FAT1: variants seen among roughly 807,000 people sequenced by gnomAD.
FAT1 encodes the protein FAT atypical cadherin 1.
Under a neutral mutation model 329.8 loss-of-function variants are expected in FAT1, and 171 were observed. The observed-to-expected ratio is 0.52, with a 90% CI of 0.46 to 0.59. FAT1 has a LOEUF of 0.59. Ranked by LOEUF, FAT1 falls within the 20% of genes least tolerant of loss-of-function variation. FAT1 has a pLI of 0.00. For synonymous variants in FAT1, 2,233 were observed against 2,228.6 expected, an observed-to-expected ratio of 1.00 and a Z score of -0.06; for missense variants, 5,672 against 5,774.4, an observed-to-expected ratio of 0.98 and a Z score of 0.57.
chr4:186,640,541 C>T (rs1398594068), intron 3 of FAT1, among the ~76,000 whole-genome samples: 3 of 152,022 alleles, frequency 2.0e-5, no homozygotes, highest in Non-Finnish European at 4.4e-5. Context: ...AATTTATTAC[C>T]TTTGAATTAT....
intron 1 of FAT1, among the ~76,000 whole-genome samples, chr4:186,713,542 T>C (rs542785515): frequency 1.3e-5 from 2 of 152,332 alleles, no homozygotes; most frequent in African/African-American, 4.8e-5. Context: ...TACTGTATTC[T>C]TGGTAAGGAA....
In FAT1 at chr4:186,618,945, C is replaced by T. The variant is rs2126500604; in HGVS notation, c.7641G>A (p.Gln2547=). 6.2e-7 allele frequency: 1 copy of T among 1,613,978 alleles called. No individual in the cohort carries two copies. The highest frequency in any genetic ancestry group is 8.5e-7 in the Non-Finnish European group (1 of 1,179,902). Residue 2547 remains glutamine, a synonymous_variant, in exon 10 of 27, where the codon CAG becomes CAA. Coordinates refer to ENST00000441802, the MANE Select transcript of FAT1 (RefSeq NM_005245.4). ...KDRFYINERG[Q]IFTLEKLDRE... Reference sequence around the variant, plus strand: ...GATCAAGTTTTTCCAAAGTAAATATCTGTCCTCTCTCATTTATGTAAAATC... The same window carrying T: ...GATCAAGTTTTTCCAAAGTAAATATTTGTCCTCTCTCATTTATGTAAAATC...
rs2126389189 is a variant in FAT1, at chr4:186,596,740, T to C, written c.12800A>G (p.Asn4267Ser). The change falls in exon 25 of 27, where the codon AAT becomes AGT. Residue 4267 changes from asparagine to serine, a missense_variant. Asn to Ser is a conservative substitution (Grantham distance 46). This residue lies in a region of FAT1 where 1,706 missense variants were observed against 1,859.1 expected (regional missense o/e 0.92). Coordinates refer to ENST00000441802, the MANE Select transcript of FAT1 (RefSeq NM_005245.4). The surrounding 1 kb of genome is among the most constrained non-coding windows in gnomAD (Gnocchi z 4.7). ...TCCTTCGAAGGAATTTCGGTCCAGA[T>C]TGTTTCTTGAGTCACTTGGAATACT... ...TPSIPSDSRN[N>S]LDRNSFEGSA... 2 of 1,614,002 alleles carry C rather than the reference T, an allele frequency of 1.2e-6. No homozygotes were observed. Among genetic ancestry groups the C allele is most frequent in the Non-Finnish European group, 1.7e-6 (2 of 1,179,896 alleles).
chr4:186,601,365 T>G lies in FAT1; in HGVS notation c.11544A>C (p.Glu3848Asp). The G allele has an allele frequency of 6.2e-7, 1 of 1,613,676 alleles. No individual in the cohort carries two copies. Among genetic ancestry groups the G allele is most frequent in the South Asian group, 1.1e-5 (1 of 91,068 alleles). The change falls in exon 21 of 27, where the codon GAA becomes GAC. Residue 3848 changes from glutamate (E) to aspartate (D), a missense_variant. Physicochemically the swap from Glu to Asp is conservative, Grantham distance 45. Coordinates refer to ENST00000441802, the MANE Select transcript of FAT1 (RefSeq NM_005245.4). ...SYVKYRLTENENKLEMKLTMR... is the reference protein window; with the variant it reads ...SYVKYRLTENDNKLEMKLTMR... ...TGGTCAGTTTCATCTCTAATTTGTTTTCATTTTCCGTCAGACGGTATTTCA... is the reference window on the plus strand; with the variant it reads ...TGGTCAGTTTCATCTCTAATTTGTTGTCATTTTCCGTCAGACGGTATTTCA...
intron 7 of FAT1, among the ~76,000 whole-genome samples, chr4:186,630,877 G>C (rs1740551374): frequency 6.6e-6 from 1 of 152,030 alleles, no homozygotes; most frequent in Non-Finnish European, 1.5e-5. Flanking sequence ...TGAAAGCAAA[G>C]TTGTTTGAAT....
Position 186,595,838 on chromosome 4 carries a change from G to T in FAT1, c.13001-12C>A, listed in dbSNP as rs372275533. ...ATCCACCACTTTTGCTAAAAGGAAG[G>T]ATGACAAACAGTAAGTATATGGGCC... On this transcript the variant is annotated splice_polypyrimidine_tract_variant and intron_variant, in intron 25 of 26. Transcript: ENST00000441802. The T allele has an allele frequency of 1.2e-6, 2 of 1,613,764 alleles. No homozygotes were observed. Among genetic ancestry groups the T allele is most frequent in the Non-Finnish European group, 1.7e-6 (2 of 1,179,838 alleles).
In FAT1 at chr4:186,636,738, G is replaced by C; in HGVS notation, c.3819C>G (p.His1273Gln). The C allele has an allele frequency of 1.2e-6, 2 of 1,613,766 alleles. No homozygotes were observed. The highest frequency in any genetic ancestry group is 1.7e-6 in the Non-Finnish European group (2 of 1,179,854). ...ERNARREPLY[H>Q]VIATDKDEGP... ...CCTCATCCTTGTCGGTGGCTATGAC[G>C]TGATAGAGCGGCTCCCGTCTGGCAT... Residue 1273 changes from histidine to glutamine, a missense_variant, in exon 5 of 27, where the codon CAC becomes CAG. Coordinates refer to ENST00000441802, the MANE Select transcript of FAT1 (RefSeq NM_005245.4).
intron 2 of FAT1, among the ~76,000 whole-genome samples, chr4:186,684,670 G>GA (rs10597588): frequency 3.2e-4 from 48 of 150,816 alleles, no homozygotes; most frequent in Middle Eastern, 3.4e-3. Context: ...GGATAAGAGG[G>GA]AAAAAAAAAA....
chr4:186,663,287 A>G lies in FAT1; in HGVS notation c.3580+12T>C. Reference sequence around the variant, plus strand: ...AAGCATAAACATTTCCTATAGCAGTATTAACACATACCTGTTTTAGGATGT... The same window carrying G: ...AAGCATAAACATTTCCTATAGCAGTGTTAACACATACCTGTTTTAGGATGT... On this transcript the variant is annotated intron_variant, in intron 3 of 26. Transcript: ENST00000441802. 1 of 1,591,676 alleles carries G rather than the reference A, an allele frequency of 6.3e-7. No homozygotes were observed. Among genetic ancestry groups the G allele is most frequent in the South Asian group, 1.1e-5 (1 of 89,706 alleles).
chr4:186,636,195 G>T lies in FAT1; in HGVS notation c.4013C>A (p.Thr1338Asn). Reference protein sequence around the residue: ...VDNGRPQKSSTTRLHIEWISK... With the variant: ...VDNGRPQKSSNTRLHIEWISK... ...GATCCATTCAATATGGAGTCTGGTG[G>T]TTGATGACTTTTGAGGGCGACCATT... Residue 1338 changes from threonine to asparagine, a missense_variant, in exon 6 of 27, where the codon ACC (threonine) becomes AAC (asparagine). Thr to Asn is a moderately conservative substitution (Grantham distance 65, BLOSUM62 0). Transcript: ENST00000441802. 6.2e-7 allele frequency: 1 copy of T among 1,614,012 alleles called. No individual in the cohort carries two copies. The highest frequency in any genetic ancestry group is 8.5e-7 in the Non-Finnish European group (1 of 1,179,890).
At chr4:186,690,668 C>T (rs1164302367) in intron 2 of FAT1, among the ~76,000 whole-genome samples, 1 of 151,688 alleles carries the variant, frequency 6.6e-6, no homozygotes, top group African/African-American at 2.4e-5. Flanking sequence ...CCAGCCTGGG[C>T]GACAGAGTGA....
intron 1 of FAT1, among the ~76,000 whole-genome samples, chr4:186,714,388 G>C (rs1579501533): frequency 6.6e-6 from 1 of 152,162 alleles, no homozygotes; most frequent in African/African-American, 2.4e-5. Context: ...AGGAGAAGCA[G>C]CCTCAGGGAG....
chr4:186,610,945 G>A (rs1288022818), intron 14 of FAT1, among the ~76,000 whole-genome samples: 5 of 151,612 alleles, frequency 3.3e-5, no homozygotes, highest in Admixed American at 1.3e-4. Flanking sequence ...GCATGATAAC[G>A]AAGTCAACTT....
At position 186,609,801 on chromosome 4, in the gene FAT1, C is replaced by CACACTGTGAGCAGTCT; in HGVS notation, c.10067_10068insAGACTGCTCACAGTGT (p.Val3357AspfsTer10). 1.2e-6 allele frequency: 2 copies of CACACTGTGAGCAGTCT among 1,606,648 alleles called. No individual in the cohort carries two copies. Among genetic ancestry groups the CACACTGTGAGCAGTCT allele is most frequent in the Non-Finnish European group, 1.7e-6 (2 of 1,173,256 alleles). ...ACTGTAATGGGGAAAAAATACACAC[C>CACACTGTGAGCAGTCT]GTGATGACAGACTGCTCAAGAACGG... On this transcript the variant is annotated frameshift_variant and splice_region_variant, in exon 15 of 27. Transcript: ENST00000441802. LOFTEE classifies it high-confidence loss of function.
rs2126542879 is a variant in FAT1 at position 186,628,307 on chromosome 4, T to C, written c.4657A>G (p.Ser1553Gly). The change falls in exon 9 of 27, where the codon AGC (serine) becomes GGC (glycine). Residue 1553 changes from serine (S) to glycine (G), a missense_variant. Transcript: ENST00000441802. Reference protein sequence around the residue: ...RNFARIVVNVSDTNDHAPWFT... With the variant: ...RNFARIVVNVGDTNDHAPWFT... ...CACGGGGCGTGGTCATTCGTGTCGC[T>C]GACATTGACCACAATCCTTGCAAAG... The C allele has an allele frequency of 6.2e-7, 1 of 1,613,650 alleles. No homozygotes were observed. The highest frequency in any genetic ancestry group is 1.1e-5 in the South Asian group (1 of 90,980).
chr4:186,716,681 AT>A (rs1745222921), intron 1 of FAT1, among the ~76,000 whole-genome samples: 1 of 152,214 alleles, frequency 6.6e-6, no homozygotes, highest in Non-Finnish European at 1.5e-5. Context: ...ACCTCCCAAA[AT>A]GTTGGGATTA....
At chr4:186,621,870 A>G (rs1740067841) in intron 9 of FAT1, 95 bp from the exon 10 acceptor site, 2 of 765,484 alleles carry the variant, frequency 2.6e-6, no homozygotes, top group East Asian at 5.7e-5. Context: ...CTTAAAAATT[A>G]TATTCTGAAA....
chr4:186,613,861 TA>T (rs1739579957), intron 12 of FAT1, among the ~76,000 whole-genome samples: 5 of 152,254 alleles, frequency 3.3e-5, no homozygotes, highest in Non-Finnish European at 4.4e-5. Flanking sequence ...GAAAATATGC[TA>T]TTTAAATAAA....
At chr4:186,615,155 A>T (rs1348899259) in intron 11 of FAT1, among the ~76,000 whole-genome samples, 1 of 150,994 alleles carries the variant, frequency 6.6e-6, no homozygotes, top group African/African-American at 2.5e-5. Context: ...ATTCCTGAAG[A>T]TGATAGAGTA....
Sources: allele counts gnomAD v4.1 joint callset (sites outside exome capture counted in the v4.1 genomes callset), GRCh38; gene constraint gnomAD v4.1.1; regional missense constraint gnomAD v4.1.1; non-coding constraint Gnocchi (gnomAD v3.1); transcripts MANE v1.5; gene names NCBI Gene and HGNC (gene_info 2026-07-23, HGNC 2026-07-21).